The following PRKG1 variants were observed in gnomAD, a reference collection of about 807,000 sequenced individuals.
PRKG1 encodes protein kinase cGMP-dependent 1.
Under a neutral mutation model 88.1 loss-of-function variants are expected in PRKG1, and 35 were observed. That is an observed-to-expected ratio of 0.40 (90% CI 0.30 to 0.53). PRKG1 has a LOEUF of 0.53. Among genes scored for constraint, PRKG1 ranks in the 20% least tolerant of loss-of-function variants. PRKG1 has a pLI of 0.59. For synonymous variants in PRKG1, 303 were observed against 292.5 expected (o/e 1.04, Z -0.37); for missense variants, 540 against 839.8 (o/e 0.64, Z 4.41).
intron 2 of PRKG1, among the ~76,000 whole-genome samples, chr10:51,175,384 G>GT (rs368705772): frequency 2.6e-5 from 4 of 151,812 alleles, no homozygotes; most frequent in African/African-American, 4.8e-5. Context: ...TGTAGCATGA[G>GT]TTTTTTCACA....
At position 51,325,419 on chromosome 10, in the gene PRKG1, G is replaced by A. The variant is rs559871923; in HGVS notation, c.479-142304G>A. On this transcript the variant is annotated intron_variant, in intron 2 of 17. Coordinates refer to ENST00000373980, the MANE Select transcript of PRKG1 (RefSeq NM_006258.4). ...TCACCATGTTGGCCAGGCTGGTCTC[G>A]AACTCCTGACCTCAAGTGAAACGCC... Among the ~76,000 whole-genome samples, 305 of 152,162 alleles carry A rather than the reference G, an allele frequency of 2.0e-3. 1 individual carries two copies. Among genetic ancestry groups the A allele is most frequent in the African/African-American group, 7.2e-3 (297 of 41,522 alleles).
At chr10:52,208,995 A>G (rs1347301749) in intron 9 of PRKG1, among the ~76,000 whole-genome samples, 1 of 152,244 alleles carries the variant, frequency 6.6e-6, no homozygotes, top group Non-Finnish European at 1.5e-5. Context: ...TATTTTTAAT[A>G]ATGTAGAAAA....
intron 8 of PRKG1, among the ~76,000 whole-genome samples, chr10:52,138,998 A>G (rs1169555532): frequency 6.6e-6 from 1 of 152,168 alleles, no homozygotes; most frequent in Admixed American, 6.6e-5. Context: ...GATTAGACAC[A>G]GAGAAAAACG....
intron 2 of PRKG1, among the ~76,000 whole-genome samples, chr10:51,251,240 T>C (rs766581351): frequency 6.6e-6 from 1 of 151,764 alleles, no homozygotes; most frequent in Admixed American, 6.6e-5. Context: ...GTTTCATAAA[T>C]TGGCAAGGAC....
chr10:51,415,943 GTC>G (rs1554806512), intron 2 of PRKG1, among the ~76,000 whole-genome samples: 2 of 149,902 alleles, frequency 1.3e-5, no homozygotes, highest in Admixed American at 6.7e-5. Flanking sequence ...GTGTGTGTGT[GTC>G]TATGTGTGTG....
intron 3 of PRKG1, among the ~76,000 whole-genome samples, chr10:51,772,035 A>G (rs1372075917): frequency 6.6e-6 from 1 of 152,148 alleles, no homozygotes. Context: ...CATAATCCAA[A>G]AAAGTTTCAA....
At chr10:51,209,035 A>C (rs551721743) in intron 2 of PRKG1, among the ~76,000 whole-genome samples, 1 of 152,298 alleles carries the variant, frequency 6.6e-6, no homozygotes, top group Admixed American at 6.5e-5. Flanking sequence ...GGTCTTAAAA[A>C]TCAACTAACT....
intron 3 of PRKG1, among the ~76,000 whole-genome samples, chr10:51,630,036 T>C (rs1839483724): frequency 6.6e-6 from 1 of 152,182 alleles, no homozygotes; most frequent in Admixed American, 6.5e-5. Flanking sequence ...CAGATTGAGT[T>C]AGTTGAGCAG....
chr10:51,867,940 G>C (rs971653605), intron 4 of PRKG1, among the ~76,000 whole-genome samples: 1 of 152,098 alleles, frequency 6.6e-6, no homozygotes, highest in African/African-American at 2.4e-5. Flanking sequence ...GGTTTCATTT[G>C]TATCTTACCC....
chr10:51,304,201 G>A (rs886386166), intron 2 of PRKG1, among the ~76,000 whole-genome samples: 3 of 152,164 alleles, frequency 2.0e-5, no homozygotes, highest in Admixed American at 6.5e-5. Context: ...AACATTAAGA[G>A]AAATACACTA....
In PRKG1 at chr10:51,492,918, A is replaced by C. The variant is rs182637462; in HGVS notation, c.592+25082A>C. On this transcript the variant is annotated intron_variant, in intron 3 of 17. Coordinates refer to ENST00000373980, the MANE Select transcript of PRKG1 (RefSeq NM_006258.4). ...AGAAAAAAGATTATTAGATCTTTTA[A>C]TTATCTCAAAATGTGGGAAATGTGT... Among the ~76,000 whole-genome samples the C allele has an allele frequency of 4.1e-4, 63 of 152,308 alleles. No individual in the cohort carries two copies. The East Asian group carries it at 0.011, about 26-fold the overall frequency.
chr10:52,102,341 A>G (rs1169947004), intron 7 of PRKG1, among the ~76,000 whole-genome samples: 1 of 152,168 alleles, frequency 6.6e-6, no homozygotes, highest in Non-Finnish European at 1.5e-5. Context: ...AGGCACAAAC[A>G]TCACAACCAT....
At chr10:51,633,692 G>GT (rs1236594298) in intron 3 of PRKG1, among the ~76,000 whole-genome samples, 1 of 152,098 alleles carries the variant, frequency 6.6e-6, no homozygotes, top group Non-Finnish European at 1.5e-5. Flanking sequence ...CCAGCAGATG[G>GT]TTATCATTTG....
intron 5 of PRKG1, among the ~76,000 whole-genome samples, chr10:51,950,132 G>T (rs1843149244): frequency 1.3e-5 from 2 of 152,194 alleles, no homozygotes; most frequent in African/African-American, 4.8e-5. Context: ...ATGAAAGTAT[G>T]TAAGACTCTC....
chr10:51,121,646 T>G (rs964577687), intron 1 of PRKG1, among the ~76,000 whole-genome samples: 3 of 152,132 alleles, frequency 2.0e-5, no homozygotes, highest in African/African-American at 7.2e-5. Context: ...TAAAGATTTT[T>G]TCCAAGGCCA....
chr10:51,662,876 T>C (rs1453434711), intron 3 of PRKG1, among the ~76,000 whole-genome samples: 10 of 152,032 alleles, frequency 6.6e-5, no homozygotes, highest in Admixed American at 6.6e-4. Flanking sequence ...AATAGTGTAC[T>C]GGGGCAGTAA....
At chr10:51,630,453 C>T (rs1839494690) in intron 3 of PRKG1, among the ~76,000 whole-genome samples, 1 of 152,166 alleles carries the variant, frequency 6.6e-6, no homozygotes, top group Non-Finnish European at 1.5e-5. Flanking sequence ...ATGGCAGCTG[C>T]TCTGTTCATA....
intron 4 of PRKG1, among the ~76,000 whole-genome samples, chr10:51,850,576 G>A (rs1400133046): frequency 1.3e-5 from 2 of 151,954 alleles, no homozygotes; most frequent in Non-Finnish European, 2.9e-5. Context: ...ATAATAAACT[G>A]AGGGAAAACA....
intron 4 of PRKG1, among the ~76,000 whole-genome samples, chr10:51,876,878 T>A (rs1206248206): frequency 6.6e-6 from 1 of 152,152 alleles, no homozygotes; most frequent in Non-Finnish European, 1.5e-5. Flanking sequence ...GGGTTCCTAA[T>A]ATTACCCAGC....
Sources: gnomAD v4.1 joint callset for allele counts (sites outside exome capture counted in the v4.1 genomes callset) on GRCh38, gnomAD v4.1.1 for gene constraint, MANE v1.5 for transcripts, NCBI Gene and HGNC (gene_info 2026-07-23, HGNC 2026-07-21) for gene names.